UNC5D: variants seen among roughly 807,000 people sequenced by gnomAD.
UNC5D encodes netrin receptor UNC5D.
Under a neutral mutation model 105.4 loss-of-function variants are expected in UNC5D, and 39 were observed. The ratio of observed to expected loss-of-function variants is 0.37; its 90% CI spans 0.29 to 0.48. The LOEUF (loss-of-function observed/expected upper bound fraction) is 0.48, where lower values mean the gene tolerates loss of function less well. Ranked by LOEUF, UNC5D falls within the 20% of genes least tolerant of loss-of-function variation. The pLI, the probability that UNC5D is intolerant of heterozygous loss-of-function variation, is 0.98. For missense variants in UNC5D, 991 were observed against 1,202.4 expected (o/e 0.82, Z 2.60); for synonymous variants, 452 against 450.4 (o/e 1.00, Z -0.04).
intron 1 of UNC5D, among the ~76,000 whole-genome samples, chr8:35,450,007 T>G (rs185878431): frequency 6.6e-6 from 1 of 152,158 alleles, no homozygotes; most frequent in Non-Finnish European, 1.5e-5. Flanking sequence ...TTTTGACACA[T>G]GCTGATCTCT....
At chr8:35,463,834 T>C (rs1001361036) in intron 1 of UNC5D, among the ~76,000 whole-genome samples, 4 of 151,972 alleles carry the variant, frequency 2.6e-5, no homozygotes, top group Non-Finnish European at 5.9e-5. Flanking sequence ...TGTTTGGTTA[T>C]TGCTACATTC....
At chr8:35,378,871 T>C (rs1407722432) in intron 1 of UNC5D, among the ~76,000 whole-genome samples, 4 of 152,252 alleles carry the variant, frequency 2.6e-5, no homozygotes, top group Middle Eastern at 3.4e-3. Flanking sequence ...ACTCCTGTAG[T>C]AGCCTCAGTC....
chr8:35,508,637 AAAG>A (rs1370913919), intron 1 of UNC5D, among the ~76,000 whole-genome samples: 33 of 152,236 alleles, frequency 2.2e-4, no homozygotes, highest in African/African-American at 7.2e-4. Flanking sequence ...TCTCTTCAAA[AAAG>A]AAGATTTCAG....
chr8:35,382,037 A>T (rs569064750), intron 1 of UNC5D, among the ~76,000 whole-genome samples: 23 of 152,362 alleles, frequency 1.5e-4, no homozygotes, highest in African/African-American at 4.3e-4. Context: ...TTTAAAGAAC[A>T]CATTTGCCTT....
chr8:35,483,393 T>C (rs1810623148), intron 1 of UNC5D, among the ~76,000 whole-genome samples: 1 of 152,336 alleles, frequency 6.6e-6, no homozygotes, highest in South Asian at 2.1e-4. Flanking sequence ...GAATAGTTTA[T>C]CTTTTTACCT....
At chr8:35,287,253 A>G (rs973417806) in intron 1 of UNC5D, among the ~76,000 whole-genome samples, 1 of 152,248 alleles carries the variant, frequency 6.6e-6, no homozygotes, top group Non-Finnish European at 1.5e-5. Flanking sequence ...AGAAACCAAT[A>G]AAGCTTGTGT....
At chr8:35,671,386 G>A (rs16884214) in intron 4 of UNC5D, among the ~76,000 whole-genome samples, 1,868 of 152,202 alleles carry the variant, frequency 0.012, 49 homozygotes, top group African/African-American at 0.043. Flanking sequence ...AAAGCAACAG[G>A]TTACATTTAT....
intron 16 of UNC5D, among the ~76,000 whole-genome samples, chr8:35,784,214 A>T (rs2131787294): frequency 6.6e-6 from 1 of 152,288 alleles, no homozygotes; most frequent in African/African-American, 2.4e-5. Flanking sequence ...GGTGTATAGA[A>T]AGCATTTAAG....
chr8:35,523,361 G>T (rs1371083228), intron 1 of UNC5D, among the ~76,000 whole-genome samples: 2 of 151,986 alleles, frequency 1.3e-5, no homozygotes. Context: ...AGGATTACAG[G>T]CATGAGCCAC....
intron 1 of UNC5D, among the ~76,000 whole-genome samples, chr8:35,323,141 G>GA (rs201352979): frequency 2.5e-4 from 36 of 145,008 alleles, no homozygotes; most frequent in Admixed American, 5.6e-4. Flanking sequence ...TCTGACATGA[G>GA]AAAAAAAGCC....
At chr8:35,697,912 A>C (rs540740419) in intron 7 of UNC5D, among the ~76,000 whole-genome samples, 1 of 152,110 alleles carries the variant, frequency 6.6e-6, no homozygotes, top group African/African-American at 2.4e-5. Context: ...TGATAGCCTC[A>C]TATCAGTTAA....
chr8:35,412,998 T>A (rs575876506), intron 1 of UNC5D, among the ~76,000 whole-genome samples: 2 of 152,176 alleles, frequency 1.3e-5, no homozygotes, highest in African/African-American at 4.8e-5. Flanking sequence ...ACATATGAAA[T>A]GTCCTGGTTC....
intron 13 of UNC5D, among the ~76,000 whole-genome samples, chr8:35,757,462 C>T (rs558156342): frequency 2.6e-5 from 4 of 152,228 alleles, no homozygotes; most frequent in South Asian, 4.1e-4. Flanking sequence ...TTTATTTCAA[C>T]GTTTGGCTCA....
intron 8 of UNC5D, among the ~76,000 whole-genome samples, chr8:35,718,067 G>GT (rs1828354664): frequency 6.6e-6 from 1 of 151,192 alleles, no homozygotes; most frequent in African/African-American, 2.4e-5. Flanking sequence ...TTCACAGTCA[G>GT]TGCTCTGCAT....
chr8:35,564,935 T>C (rs1377509394), intron 2 of UNC5D, among the ~76,000 whole-genome samples: 1 of 152,244 alleles, frequency 6.6e-6, no homozygotes, highest in Non-Finnish European at 1.5e-5. Flanking sequence ...TTTCATTGTT[T>C]TTTTGTGGCT....
intron 16 of UNC5D, among the ~76,000 whole-genome samples, chr8:35,787,522 A>C (rs192099655): frequency 3.3e-5 from 5 of 152,102 alleles, no homozygotes; most frequent in African/African-American, 1.2e-4. Flanking sequence ...TTTTGGTGAC[A>C]GTGTTTATAG....
At chr8:35,363,237 C>A (rs1390384847) in intron 1 of UNC5D, among the ~76,000 whole-genome samples, 1 of 152,034 alleles carries the variant, frequency 6.6e-6, no homozygotes, top group Non-Finnish European at 1.5e-5. Flanking sequence ...TGGGAAGCCT[C>A]CAAATCATGG....
intron 1 of UNC5D, among the ~76,000 whole-genome samples, chr8:35,305,946 T>C (rs956327518): frequency 1.3e-5 from 2 of 150,550 alleles, no homozygotes; most frequent in Non-Finnish European, 3.0e-5. Context: ...CTGATGTTTT[T>C]TCTTCTTACC....
chr8:35,321,280 G>A (rs141835720), intron 1 of UNC5D, among the ~76,000 whole-genome samples: 1 of 152,100 alleles, frequency 6.6e-6, no homozygotes, highest in African/African-American at 2.4e-5. Context: ...GATATTGTTT[G>A]GCTATGTCCC....
Sources: gnomAD v4.1 joint callset for allele counts (sites outside exome capture counted in the v4.1 genomes callset) on GRCh38, gnomAD v4.1.1 for gene constraint, MANE v1.5 for transcripts, NCBI Gene and HGNC (gene_info 2026-07-23, HGNC 2026-07-21) for gene names.